The following UBE2W variants were observed in gnomAD, a reference collection of about 807,000 sequenced individuals.
UBE2W encodes ubiquitin conjugating enzyme E2 W.
A neutral mutation model predicts 27.2 loss-of-function variants in UBE2W; 18 were observed. That is an observed-to-expected ratio of 0.66 (90% CI 0.46 to 0.98). UBE2W has a LOEUF of 0.98. UBE2W is among the 50% of genes least tolerant of loss of function. The pLI is 0.00. For synonymous variants in UBE2W, 53 were observed against 57.2 expected (o/e 0.93, Z 0.33); for missense variants, 90 against 180.2 (o/e 0.50, Z 2.87).
downstream of UBE2W, among the ~76,000 whole-genome samples, chr8:73,781,630 T>TA (rs1366755594): frequency 1.8e-4 from 28 of 151,384 alleles, no homozygotes; most frequent in East Asian, 1.7e-3. Context: ...TTTTTTTTTT[T>TA]TTTTTTTATT....
intron 2 of UBE2W, among the ~76,000 whole-genome samples, 167 bp from the exon 3 acceptor site, chr8:73,825,416 G>T (rs79429210): frequency 0.015 from 2,298 of 152,204 alleles, 46 homozygotes; most frequent in Non-Finnish European, 0.022. Context: ...TAATTCTCAT[G>T]ACCTATCCCC....
At chr8:73,857,586 G>C (rs1811359073) in intron 1 of UBE2W, among the ~76,000 whole-genome samples, 1 of 152,152 alleles carries the variant, frequency 6.6e-6, no homozygotes, top group South Asian at 2.1e-4. Context: ...GTGAGGCCGA[G>C]ATGGGCAGAT....
intron 5 of UBE2W, among the ~76,000 whole-genome samples, chr8:73,804,435 C>T (rs986980051): frequency 2.0e-5 from 3 of 151,906 alleles, no homozygotes; most frequent in Admixed American, 6.6e-5. Context: ...TTCAGGGAAG[C>T]ATTAAGGTTA....
intron 1 of UBE2W, among the ~76,000 whole-genome samples, chr8:73,877,935 G>A (rs935992209): frequency 6.6e-6 from 1 of 152,196 alleles, no homozygotes; most frequent in African/African-American, 2.4e-5. Context: ...GCTAAGTCGG[G>A]GGGATATGGC....
At chr8:73,781,060 A>G (rs1807831585) in intron 4 of UBE2W, among the ~76,000 whole-genome samples, 1 of 151,592 alleles carries the variant, frequency 6.6e-6, no homozygotes, top group Non-Finnish European at 1.5e-5. Context: ...TCTTGAGGTC[A>G]GGAGTTCAAG....
chr8:73,873,152 A>G (rs1241559306), intron 1 of UBE2W, among the ~76,000 whole-genome samples: 2 of 151,872 alleles, frequency 1.3e-5, no homozygotes, highest in East Asian at 3.9e-4. Flanking sequence ...CAGGTGATCC[A>G]CTCACCTCAG....
intron 5 of UBE2W, among the ~76,000 whole-genome samples, chr8:73,801,862 G>A (rs950915341): frequency 6.6e-6 from 1 of 152,166 alleles, no homozygotes; most frequent in Non-Finnish European, 1.5e-5. Flanking sequence ...AATTATCTGA[G>A]GGTATCTTAA....
chr8:73,812,637 C>A (rs775377808), intron 3 of UBE2W, among the ~76,000 whole-genome samples: 1 of 152,092 alleles, frequency 6.6e-6, no homozygotes, highest in Non-Finnish European at 1.5e-5. Context: ...CCATAAAAAG[C>A]CATTTGACCA....
intron 5 of UBE2W, among the ~76,000 whole-genome samples, chr8:73,801,895 G>T (rs1192502204): frequency 6.6e-6 from 1 of 152,166 alleles, no homozygotes; most frequent in Non-Finnish European, 1.5e-5. Flanking sequence ...CAGCATTCAA[G>T]TTTATTAGGT....
In UBE2W at chr8:73,787,905, A is replaced by T; in HGVS notation, c.*6197T>A. On this transcript the variant is annotated 3_prime_UTR_variant, in exon 6 of 6. Transcript: ENST00000602593. ...TTTAGTTGGGACTTATTAAAACACT[A>T]AAACTAGCTACATATTACATAAAGG... 1 of 985,426 alleles carries T rather than the reference A, an allele frequency of 1.0e-6. No homozygotes were observed. The highest frequency in any genetic ancestry group is 1.2e-6 in the Non-Finnish European group (1 of 829,910). The allele number at this position is 985,426 out of a possible 1,614,324, so 61.0% of individuals were successfully genotyped here.
chr8:73,872,781 T>C (rs1313647065), intron 1 of UBE2W, among the ~76,000 whole-genome samples: 2 of 151,886 alleles, frequency 1.3e-5, no homozygotes, highest in African/African-American at 4.8e-5. Context: ...CCTGAGTTTA[T>C]AACACAAGGT....
intron 3 of UBE2W, among the ~76,000 whole-genome samples, chr8:73,824,557 C>T (rs1809750645): frequency 6.6e-6 from 1 of 152,152 alleles, no homozygotes; most frequent in South Asian, 2.1e-4. Context: ...GAGCAGTGGT[C>T]CCCAATCTTT....
chr8:73,837,728 T>C (rs1486116631), intron 1 of UBE2W, among the ~76,000 whole-genome samples: 4 of 152,152 alleles, frequency 2.6e-5, no homozygotes, highest in Non-Finnish European at 4.4e-5. Context: ...GCGCAAGCCA[T>C]TGCACCCCCA....
intron 1 of UBE2W, among the ~76,000 whole-genome samples, chr8:73,834,570 A>G (rs566426130): frequency 6.6e-6 from 1 of 152,190 alleles, no homozygotes; most frequent in Non-Finnish European, 1.5e-5. Flanking sequence ...TGAGTCTAGA[A>G]GTTGGAGTCC....
intron 3 of UBE2W, among the ~76,000 whole-genome samples, chr8:73,813,505 T>G (rs147744535): frequency 3.3e-5 from 5 of 152,342 alleles, no homozygotes; most frequent in African/African-American, 1.2e-4. Flanking sequence ...ACATACTGCA[T>G]GCAGGGCAAA....
chr8:73,805,608 A>T lies in UBE2W; in HGVS notation c.442+43T>A, dbSNP rs761846458. ...CTTATAGCAAATATATATAATCTTC[A>T]TATCAAAATGCTAAAAAGTTATTAC... On this transcript the variant is annotated intron_variant, in intron 5 of 5. Transcript: ENST00000602593. 13 of 1,224,442 alleles carry T rather than the reference A, an allele frequency of 1.1e-5. No individual in the cohort carries two copies. In the East Asian group the frequency reaches 3.3e-4, roughly 32 times the overall value. 75.8% of individuals were successfully genotyped at this position (1,224,442 alleles called of 1,614,324 possible).
At chr8:73,815,815 C>G (rs1809362783) in intron 3 of UBE2W, among the ~76,000 whole-genome samples, 1 of 152,062 alleles carries the variant, frequency 6.6e-6, no homozygotes, top group Non-Finnish European at 1.5e-5. Context: ...ATATGGATAC[C>G]AAGGTTTTTC....
intron 3 of UBE2W, among the ~76,000 whole-genome samples, chr8:73,817,618 A>T (rs752109173): frequency 6.6e-6 from 1 of 152,034 alleles, no homozygotes; most frequent in Non-Finnish European, 1.5e-5. Flanking sequence ...TCCAGGTTCA[A>T]GCAATTCTCC....
chr8:73,872,565 T>C (rs1047274528), intron 1 of UBE2W, among the ~76,000 whole-genome samples: 1 of 152,232 alleles, frequency 6.6e-6, no homozygotes, highest in Non-Finnish European at 1.5e-5. Flanking sequence ...ATGTACTTAT[T>C]TGGAAAGTGA....
Sources: gnomAD v4.1 joint callset for allele counts (sites outside exome capture counted in the v4.1 genomes callset) on GRCh38, gnomAD v4.1.1 for gene constraint, MANE v1.5 for transcripts, NCBI Gene and HGNC (gene_info 2026-07-23, HGNC 2026-07-21) for gene names.